TMEM50B: variants seen among roughly 807,000 people sequenced by gnomAD.
TMEM50B encodes HCV p7-trans-regulated protein 3.
TMEM50B carries 14 observed loss-of-function variants against 23.4 expected under a neutral mutation model. The observed-to-expected ratio is 0.60, with a 90% CI of 0.39 to 0.93. The LOEUF (loss-of-function observed/expected upper bound fraction) is 0.93, where lower values mean the gene tolerates loss of function less well. Ranked by LOEUF, TMEM50B falls within the 40% of genes least tolerant of loss-of-function variation. The pLI, the probability that TMEM50B is intolerant of heterozygous loss-of-function variation, is 0.00. For missense variants in TMEM50B, 159 were observed against 193.0 expected (o/e 0.82, Z 1.04); for synonymous variants, 64 against 62.3 (o/e 1.03, Z -0.13).
downstream of TMEM50B, among the ~76,000 whole-genome samples, chr21:33,448,295 A>G (rs1460997264): frequency 6.6e-6 from 1 of 151,738 alleles, no homozygotes; most frequent in African/African-American, 2.4e-5. Context: ...GCCTGACCAC[A>G]TTATCTCTTT....
chr21:33,436,600 T>C (rs988586680), intron 8 of TMEM50B, among the ~76,000 whole-genome samples: 1 of 151,882 alleles, frequency 6.6e-6, no homozygotes, highest in Non-Finnish European at 1.5e-5. Context: ...TGGGCACCTG[T>C]AGTCCCAGCT....
intron 8 of TMEM50B, chr21:33,437,101 C>G: frequency 2.7e-6 from 2 of 732,874 alleles, no homozygotes; most frequent in Non-Finnish European, 4.6e-6. Context: ...ACATGAGAGA[C>G]AGCAGGTCTC....
At chr21:33,477,615 G>T (rs993593632) in intron 1 of TMEM50B, among the ~76,000 whole-genome samples, 52 of 110,712 alleles carry the variant, frequency 4.7e-4, no homozygotes, top group African/African-American at 1.9e-3. Flanking sequence ...GGCGGGGGGG[G>T]GTTACCTGAG....
chr21:33,458,498 A>G (rs2084189664), intron 5 of TMEM50B, among the ~76,000 whole-genome samples: 1 of 152,228 alleles, frequency 6.6e-6, no homozygotes, highest in South Asian at 2.1e-4. Context: ...TGGGCGACAG[A>G]GCAAGGTTCT....
chr21:33,435,480 A>G (rs2123379620), intron 8 of TMEM50B, among the ~76,000 whole-genome samples: 1 of 152,174 alleles, frequency 6.6e-6, no homozygotes, highest in South Asian at 2.1e-4. Context: ...AAAAAACAAA[A>G]CTTGCTTTTC....
intron 8 of TMEM50B, among the ~76,000 whole-genome samples, chr21:33,435,260 G>A (rs2083934129): frequency 6.6e-6 from 1 of 152,164 alleles, no homozygotes; most frequent in African/African-American, 2.4e-5. Context: ...CTTGCTGTGC[G>A]CTGGTGCAAG....
At chr21:33,444,914 T>C (rs76514185), downstream of TMEM50B, among the ~76,000 whole-genome samples, 119 of 151,874 alleles carry the variant, frequency 7.8e-4, 1 homozygote, top group African/African-American at 2.8e-3. Context: ...GCAGATCCTT[T>C]GAGCCCAGGA....
intron 7 of TMEM50B, among the ~76,000 whole-genome samples, chr21:33,441,548 T>C: frequency 6.6e-6 from 1 of 152,210 alleles, no homozygotes; most frequent in South Asian, 2.1e-4. Context: ...TGGGCAGATG[T>C]CCTCATAGAA....
intron 8 of TMEM50B, chr21:33,432,849 G>C (rs1344389504): frequency 1.9e-6 from 3 of 1,612,776 alleles, no homozygotes; most frequent in Admixed American, 1.7e-5. Flanking sequence ...ACTCCACCAA[G>C]CATCCCATTA....
At chr21:33,451,525 T>G (rs968140521) in intron 6 of TMEM50B, among the ~76,000 whole-genome samples, 4 of 152,070 alleles carry the variant, frequency 2.6e-5, no homozygotes, top group Non-Finnish European at 5.9e-5. Flanking sequence ...CAGGAAAGGT[T>G]TTCCTGAGGA....
intron 7 of TMEM50B, among the ~76,000 whole-genome samples, chr21:33,441,477 T>C (rs1045164978): frequency 2.0e-5 from 3 of 152,168 alleles, no homozygotes; most frequent in African/African-American, 7.2e-5. Flanking sequence ...AAGATAATTA[T>C]CCTTGGCTAT....
At chr21:33,465,723 T>C (rs2123445120) in intron 3 of TMEM50B, among the ~76,000 whole-genome samples, 1 of 152,324 alleles carries the variant, frequency 6.6e-6, no homozygotes, top group East Asian at 1.9e-4. Context: ...CTCAGTGCTA[T>C]CCCACTTCAA....
At chr21:33,465,043 T>C (rs1405101365) in intron 4 of TMEM50B, 1 of 264,030 alleles carries the variant, frequency 3.8e-6, no homozygotes, top group Non-Finnish European at 7.1e-6. Context: ...TAAGTAACAT[T>C]ATTGGTCAAC....
rs115926819 is a variant in TMEM50B at position 33,433,935 on chromosome 21, C to T, written c.*2121-1133G>A. Reference sequence around the variant, plus strand: ...GTGGCCTGGCTGGAGGACGTGAAGGCGGTGGAGACAGTGATCAGGAGCTTG... The same window carrying T: ...GTGGCCTGGCTGGAGGACGTGAAGGTGGTGGAGACAGTGATCAGGAGCTTG... On this transcript the variant is annotated intron_variant and NMD_transcript_variant, in intron 8 of 8. Coordinates refer to the TMEM50B transcript ENST00000420455. Among the ~76,000 whole-genome samples, 400 of 151,994 alleles carry T rather than the reference C, an allele frequency of 2.6e-3. 2 individuals are homozygous for T. Among genetic ancestry groups the T allele is most frequent in the African/African-American group, 9.2e-3 (380 of 41,426 alleles).
chr21:33,464,820 A>AAAAAAAAAAAAAAAAAAC (rs2084251198), intron 4 of TMEM50B, among the ~76,000 whole-genome samples: 1 of 148,496 alleles, frequency 6.7e-6, no homozygotes, highest in African/African-American at 2.5e-5. Flanking sequence ...AAAAAAAAAA[A>AAAAAAAAAAAAAAAAAAC]AAAACAAAAA....
At chr21:33,479,581 T>C (rs1486255242) in intron 1 of TMEM50B, among the ~76,000 whole-genome samples, 1 of 152,166 alleles carries the variant, frequency 6.6e-6, no homozygotes, top group Admixed American at 6.5e-5. Flanking sequence ...CTCCCCGGGC[T>C]GCTTGCGGGT....
chr21:33,432,908 CAG>C (rs764187616), intron 8 of TMEM50B: 33 of 1,498,658 alleles, frequency 2.2e-5, no homozygotes, highest in Non-Finnish European at 3.0e-5. Flanking sequence ...TTTTTTGAGA[CAG>C]GGTCTTGCTC....
At chr21:33,432,762 C>T (rs750400339) in exon 9 of TMEM50B, 8 of 1,613,988 alleles carry the variant, frequency 5.0e-6, no homozygotes, top group African/African-American at 1.3e-5. Context: ...GGAACATTTT[C>T]GTTGCTGTCG....
downstream of TMEM50B, chr21:33,446,988 C>T (rs2084066053): frequency 1.3e-5 from 2 of 151,582 alleles, no homozygotes; most frequent in South Asian, 4.2e-4. Context: ...ACTAAAAATA[C>T]AAAAATTAGC....
Sources: allele counts gnomAD v4.1 joint callset (sites outside exome capture counted in the v4.1 genomes callset), GRCh38; gene constraint gnomAD v4.1.1; transcripts MANE v1.5; gene names NCBI Gene and HGNC (gene_info 2026-07-23, HGNC 2026-07-21).